Variants in ZNF625 observed in about 807,000 individuals in gnomAD.
ZNF625 encodes zinc finger protein 625.
A neutral mutation model predicts 11.1 loss-of-function variants in ZNF625; 8 were observed. The ratio of observed to expected loss-of-function variants is 0.72; its 90% CI spans 0.42 to 1.30. ZNF625 has a LOEUF of 1.30. ZNF625 is among the 50% of genes most tolerant of loss of function. The probability of loss-of-function intolerance (pLI) is 0.01; values close to 1 mark genes in which losing one functional copy is unlikely to be tolerated. For missense variants in ZNF625, 349 were observed against 447.6 expected (o/e 0.78, Z 1.99); for synonymous variants, 145 against 153.4 (o/e 0.95, Z 0.41).
chr19:12,149,834 G>A (rs1161255211), intron 1 of ZNF625, among the ~76,000 whole-genome samples: 2 of 151,900 alleles, frequency 1.3e-5, no homozygotes, highest in African/African-American at 4.8e-5. Context: ...CTGCCTCCCA[G>A]CTTCAAGCAA....
At position 12,146,080 on chromosome 19, in the gene ZNF625, A is replaced by G; in HGVS notation, c.336T>C (p.Leu112=). Residue 112 remains leucine, a synonymous_variant, in exon 4 of 4, where the codon CTT becomes CTC. Transcript: ENST00000439556. ...CAGTGTCAGCTCTGTGGTGCCTATT[A>G]AGGGATGCATGACCCACGCTGACTT... ...CGEVSVGHAS[L]NRHHRADTGH... 1.2e-6 allele frequency: 2 copies of G among 1,614,048 alleles called. No homozygotes were observed. Among genetic ancestry groups the G allele is most frequent in the Non-Finnish European group, 1.7e-6 (2 of 1,179,982 alleles).
At chr19:12,146,530 C>G (rs1171974782) in intron 3 of ZNF625, among the ~76,000 whole-genome samples, 2 of 152,158 alleles carry the variant, frequency 1.3e-5, no homozygotes, top group East Asian at 1.9e-4. Context: ...ATCTCCCGAT[C>G]TGAAGCCGTC....
intron 1 of ZNF625, among the ~76,000 whole-genome samples, chr19:12,148,580 A>G (rs758771479): frequency 2.0e-5 from 3 of 151,834 alleles, no homozygotes; most frequent in African/African-American, 7.3e-5. Flanking sequence ...CTCAGCCCCT[A>G]TGGAATAGTA....
chr19:12,153,683 CAA>C (rs71166658), intron 1 of ZNF625, among the ~76,000 whole-genome samples: 32 of 121,820 alleles, frequency 2.6e-4, no homozygotes, highest in Admixed American at 6.8e-4. Context: ...GTCTCTGTGT[CAA>C]AAAAAAAAAA....
At chr19:12,151,635 G>A (rs532428888) in intron 1 of ZNF625, among the ~76,000 whole-genome samples, 38 of 151,744 alleles carry the variant, frequency 2.5e-4, no homozygotes, top group Non-Finnish European at 4.4e-4. Flanking sequence ...CGCCTCGGCC[G>A]CCCAAAGTGC....
rs12972621 is a variant in ZNF625 at position 12,145,543 on chromosome 19, T to G, written c.873A>C (p.Arg291=). The G allele has an allele frequency of 0.45, 725,019 of 1,613,760 alleles. 170,466 individuals are homozygous for G. The highest frequency in any genetic ancestry group is 0.61 in the East Asian group (27,352 of 44,856). Residue 291 remains arginine, a synonymous_variant, in exon 4 of 4, where the codon CGA becomes CGC. Transcript: ENST00000439556. ...CTCCAGTGTGAGTTCTTTCATGATA[T>G]CGAACGGAATTGAAAGAAACAAAGG... ...GKAFVSFNSV[R]YHERTHTGEK... is the part of the protein sequence containing the mutation.
intron 1 of ZNF625, among the ~76,000 whole-genome samples, chr19:12,149,801 G>C (rs772990125): frequency 6.6e-6 from 1 of 151,516 alleles, no homozygotes; most frequent in Admixed American, 6.6e-5. Flanking sequence ...GTGCAATGGC[G>C]CGCTCTTGGC....
intron 1 of ZNF625, among the ~76,000 whole-genome samples, chr19:12,152,923 A>G (rs1344034456): frequency 6.6e-6 from 1 of 152,126 alleles, no homozygotes; most frequent in Non-Finnish European, 1.5e-5. Flanking sequence ...TATATAAAAA[A>G]TGCAAAACTA....
At chr19:12,152,688 A>G (rs1031209865) in intron 1 of ZNF625, among the ~76,000 whole-genome samples, 1 of 152,028 alleles carries the variant, frequency 6.6e-6, no homozygotes, top group African/African-American at 2.4e-5. Context: ...TAAAAATACA[A>G]AAAATTAGCT....
At chr19:12,154,652 G>A (rs1977002537) in intron 1 of ZNF625, among the ~76,000 whole-genome samples, 1 of 152,256 alleles carries the variant, frequency 6.6e-6, no homozygotes, top group Non-Finnish European at 1.5e-5. Flanking sequence ...CAAACAAGGC[G>A]ACTACATCAC....
chr19:12,153,389 T>C (rs1976982938), intron 1 of ZNF625, among the ~76,000 whole-genome samples: 1 of 147,370 alleles, frequency 6.8e-6, no homozygotes, highest in South Asian at 2.2e-4. Context: ...AGATTTATAG[T>C]AAAGACACAT....
intron 1 of ZNF625, among the ~76,000 whole-genome samples, chr19:12,148,469 A>C (rs992176082): frequency 1.3e-5 from 2 of 152,180 alleles, no homozygotes; most frequent in Non-Finnish European, 2.9e-5. Flanking sequence ...AAAAAGGCAA[A>C]TATTTATCAA....
chr19:12,149,743 A>AT (rs879540255), intron 1 of ZNF625, among the ~76,000 whole-genome samples: 99 of 145,686 alleles, frequency 6.8e-4, no homozygotes, highest in South Asian at 2.6e-3. Flanking sequence ...CGGCAGAAGT[A>AT]TTTTTTTTTT....
At chr19:12,152,715 G>A (rs527800646) in intron 1 of ZNF625, among the ~76,000 whole-genome samples, 11 of 151,840 alleles carry the variant, frequency 7.2e-5, no homozygotes, top group Admixed American at 1.3e-4. Context: ...GGTAGCATGC[G>A]CCTGTAATCC....
Position 12,145,235 on chromosome 19 carries a change from A to G in ZNF625, c.*62T>C. The G allele has an allele frequency of 1.3e-6, 2 of 1,495,786 alleles. No individual in the cohort carries two copies. The highest frequency in any genetic ancestry group is 2.2e-5 in the Admixed American group (1 of 45,692). 92.7% of individuals were successfully genotyped at this position (1,495,786 alleles called of 1,614,324 possible). A position where few individuals can be genotyped will look rare whatever the true frequency, so the allele number is the denominator to read the frequency against. On this transcript the variant is annotated 3_prime_UTR_variant, in exon 4 of 4. Transcript: ENST00000439556. ...GAATAATTTTGCGATGGTTCCCATG[A>G]TTTGAGGGAAACACATTTTTACCAT...
chr19:12,145,205 C>G lies in ZNF625; in HGVS notation c.*92G>C, dbSNP rs1202394811. ...TGTCAAATGACAGTGACTGCAGAAG[C>G]TTCAGAATAATTTTGCGATGGTTCC... On this transcript the variant is annotated 3_prime_UTR_variant, in exon 4 of 4. Transcript: ENST00000439556. 1 of 1,382,698 alleles carries G rather than the reference C, an allele frequency of 7.2e-7. No homozygotes were observed. The highest frequency in any genetic ancestry group is 2.3e-5 in the Admixed American group (1 of 44,098). 85.7% of individuals were successfully genotyped at this position (1,382,698 alleles called of 1,614,324 possible).
intron 3 of ZNF625, 24 bp downstream of exon 3, chr19:12,147,371 C>G (rs1353109423): frequency 6.7e-7 from 1 of 1,498,630 alleles, no homozygotes; most frequent in Non-Finnish European, 8.9e-7. Context: ...AGAGACATCA[C>G]TTTCTCTTGT....
intron 2 of ZNF625, 51 bp downstream of exon 2, chr19:12,147,625 A>T: frequency 1.2e-6 from 2 of 1,612,612 alleles, no homozygotes; most frequent in Non-Finnish European, 1.7e-6. Flanking sequence ...CTGACAAGCT[A>T]GAAACACTTG....
chr19:12,154,153 C>G (rs966129325), intron 1 of ZNF625, among the ~76,000 whole-genome samples: 1 of 152,136 alleles, frequency 6.6e-6, no homozygotes, highest in Non-Finnish European at 1.5e-5. Flanking sequence ...TGAACAGAGC[C>G]AGGAAGGGCC....
Sources: allele counts gnomAD v4.1 joint callset (sites outside exome capture counted in the v4.1 genomes callset), GRCh38; gene constraint gnomAD v4.1.1; transcripts MANE v1.5; gene names NCBI Gene and HGNC (gene_info 2026-07-23, HGNC 2026-07-21).